The following ESR2 variants were observed in gnomAD, a reference collection of about 807,000 sequenced individuals.
ESR2 encodes the protein estrogen receptor beta.
A neutral mutation model predicts 49.6 loss-of-function variants in ESR2; 36 were observed. That is an observed-to-expected ratio of 0.73 (90% confidence interval 0.56 to 0.96). The LOEUF (loss-of-function observed/expected upper bound fraction) is 0.96. Among genes scored for constraint, ESR2 ranks in the 40% least tolerant of loss-of-function variants. The probability of loss-of-function intolerance (pLI) is 0.00; values close to 1 mark genes in which losing one functional copy is unlikely to be tolerated. For missense variants in ESR2, 714 were observed against 693.0 expected (o/e 1.03, Z -0.34); for synonymous variants, 320 against 266.1 (o/e 1.20, Z -1.97).
intron 1 of ESR2, among the ~76,000 whole-genome samples, chr14:64,284,347 A>C (rs1385510028): frequency 6.6e-6 from 1 of 151,598 alleles, no homozygotes; most frequent in Non-Finnish European, 1.5e-5. Context: ...TTTTTTTGAG[A>C]TGGAGTTTCA....
intron 1 of ESR2, among the ~76,000 whole-genome samples, chr14:64,290,615 C>A (rs891775289): frequency 6.6e-6 from 1 of 151,776 alleles, no homozygotes; most frequent in African/African-American, 2.4e-5. Flanking sequence ...TTTGGCCAGG[C>A]TGGTCTTGAA....
rs368193978 is a variant in ESR2 at position 64,309,631 on chromosome 14, C to A, written c.-90-26556G>T. 6.4e-5 allele frequency among the ~76,000 whole-genome samples: 8 copies of A among 124,492 alleles called. No homozygotes were observed. In the South Asian group the frequency reaches 7.1e-4, roughly 11 times the overall value. 81.7% of individuals were successfully genotyped at this position (124,492 alleles called of 152,430 possible). A position where few individuals can be genotyped will look rare whatever the true frequency, so the allele number is the denominator to read the frequency against. On this transcript the variant is annotated intron_variant, in intron 1 of 8. Coordinates refer to the ESR2 transcript ENST00000358599. Reference sequence around the variant, plus strand: ...TCAAAAAAAAAAATAGAGAATCTTGCGTCAAGTGAACTAAACAGAGGGAGA... The same window carrying A: ...TCAAAAAAAAAAATAGAGAATCTTGAGTCAAGTGAACTAAACAGAGGGAGA...
At chr14:64,282,069 C>A (rs2076680982) in intron 2 of ESR2, among the ~76,000 whole-genome samples, 1 of 152,214 alleles carries the variant, frequency 6.6e-6, no homozygotes, top group Non-Finnish European at 1.5e-5. Context: ...AGACCAGGCA[C>A]AGTGTTCATC....
At chr14:64,280,905 G>C (rs1315198167) in intron 2 of ESR2, among the ~76,000 whole-genome samples, 1 of 152,186 alleles carries the variant, frequency 6.6e-6, no homozygotes, top group East Asian at 1.9e-4. Context: ...AGCTACTTTG[G>C]AGGATGAAGC....
Position 64,282,884 on chromosome 14 carries a change from G to C in ESR2, c.102C>G (p.Ser34=). The C allele has an allele frequency of 6.2e-7, 1 of 1,614,196 alleles. No homozygotes were observed. The highest frequency in any genetic ancestry group is 8.5e-7 in the Non-Finnish European group (1 of 1,180,020). The change falls in exon 2 of 9, where the codon TCC becomes TCG. Residue 34 remains serine, a synonymous_variant. Coordinates refer to ENST00000341099, the MANE Select transcript of ESR2 (RefSeq NM_001437.3). ...PLEHGSIYIP[S]SYVDSHHEYP... is the part of the protein sequence containing the mutation. ...ATTCATGGTGGCTGTCTACATAGGA[G>C]GAAGGTATGTATATGGAGCCGTGCT... is the stretch of plus-strand genomic sequence containing the variant.
intron 4 of ESR2, among the ~76,000 whole-genome samples, chr14:64,266,320 ATC>A (rs754140941): frequency 2.6e-4 from 40 of 152,374 alleles, no homozygotes; most frequent in Admixed American, 5.2e-4. Context: ...TGAAGCAGAT[ATC>A]TCTGTTCAGA....
At chr14:64,307,955 AT>A (rs1157333244) in intron 1 of ESR2, among the ~76,000 whole-genome samples, 1 of 151,862 alleles carries the variant, frequency 6.6e-6, no homozygotes, top group Admixed American at 6.6e-5. Flanking sequence ...TCCTGTCTTC[AT>A]TTTATTCTGT....
chr14:64,325,209 A>G (rs999192853), intron 1 of ESR2, among the ~76,000 whole-genome samples: 2 of 152,228 alleles, frequency 1.3e-5, no homozygotes, highest in Admixed American at 6.5e-5. Flanking sequence ...TAACAAAAGA[A>G]TGTAATACCT....
chr14:64,234,878 A>C, intron 8 of ESR2, 92 bp downstream of exon 8: 3 of 1,547,176 alleles, frequency 1.9e-6, no homozygotes, highest in Non-Finnish European at 2.6e-6. Flanking sequence ...ATTTTCCTTA[A>C]CTTGCAGACA....
intron 5 of ESR2, among the ~76,000 whole-genome samples, chr14:64,257,947 C>T (rs746790332): frequency 7.9e-5 from 12 of 152,118 alleles, no homozygotes; most frequent in Non-Finnish European, 1.6e-4. Flanking sequence ...GCAAATATAG[C>T]CAAGCACACC....
chr14:64,303,889 T>C (rs1305232598), intron 1 of ESR2, among the ~76,000 whole-genome samples: 1 of 152,164 alleles, frequency 6.6e-6, no homozygotes, highest in African/African-American at 2.4e-5. Context: ...CCAAGATACA[T>C]TGAGAAGAAA....
At chr14:64,260,783 G>T (rs779945671) in intron 4 of ESR2, 35 bp from the exon 5 acceptor site, 9 of 1,423,692 alleles carry the variant, frequency 6.3e-6, no homozygotes, top group Non-Finnish European at 7.4e-6. Context: ...GAATTGCCAG[G>T]GTAAAACCGC....
Position 64,232,191 on chromosome 14 carries a change from C to G in ESR2, c.*946G>C, listed in dbSNP as rs1376599965. Reference sequence around the variant, plus strand: ...CACACATCCACAGCCCAAAGTATCCCTGACTACTTGTGGTGACTGATGGGG... The same window carrying G: ...CACACATCCACAGCCCAAAGTATCCGTGACTACTTGTGGTGACTGATGGGG... On this transcript the variant is annotated 3_prime_UTR_variant, in exon 9 of 9. Coordinates refer to ENST00000341099, the MANE Select transcript of ESR2 (RefSeq NM_001437.3). 2 of 152,228 alleles carry G rather than the reference C, an allele frequency of 1.3e-5. No homozygotes were observed. The highest frequency in any genetic ancestry group is 2.9e-5 in the Non-Finnish European group (2 of 68,058). The allele number at this position is 152,228 out of a possible 1,614,324, so 9.4% of individuals were successfully genotyped here.
chr14:64,306,202 CA>C (rs1458845160), intron 1 of ESR2, among the ~76,000 whole-genome samples: 2 of 122,828 alleles, frequency 1.6e-5, no homozygotes, highest in South Asian at 2.6e-4. Flanking sequence ...AACTCCATCT[CA>C]AAAAAAAAGA....
At chr14:64,280,214 G>A in intron 2 of ESR2, 61 bp from the exon 3 acceptor site, 9 of 1,188,702 alleles carry the variant, frequency 7.6e-6, no homozygotes, top group African/African-American at 3.0e-5. Context: ...GGGCTTTCTA[G>A]GAAAAAAAAA....
At chr14:64,318,537 C>CAAAAAAAAAAAAAAAA (rs58597271) in intron 1 of ESR2, among the ~76,000 whole-genome samples, 8 of 32,426 alleles carry the variant, frequency 2.5e-4, no homozygotes, top group African/African-American at 6.2e-4. Flanking sequence ...AACTCCATCT[C>CAAAAAAAAAAAAAAAA]AAAAAAAAAA....
In ESR2 at chr14:64,260,740, T is replaced by C. The variant is rs78851986; in HGVS notation, c.661A>G (p.Arg221Gly). Residue 221 changes from arginine to glycine, a missense_variant, in exon 5 of 9, where the codon AGA (arginine) becomes GGA (glycine). By Grantham distance (125) the Arg-to-Gly change is moderately radical. Transcript: ENST00000341099. ...ACAAGGCGGTACCCACATCTCTCTCTCCGGGAGCCTGAAGAGGAAAGCAGA... is the reference window on the plus strand; with the variant it reads ...ACAAGGCGGTACCCACATCTCTCTCCCCGGGAGCCTGAAGAGGAAAGCAGA... ...EVGMVKCGSR[R>G]ERCGYRLVRR... 5,128 of 1,481,492 alleles carry C rather than the reference T, an allele frequency of 3.5e-3. 9 individuals are homozygous for C. The highest frequency in any genetic ancestry group is 4.4e-3 in the Non-Finnish European group (4,894 of 1,114,596). The allele number at this position is 1,481,492 out of a possible 1,614,324, so 91.8% of individuals were successfully genotyped here. A position where few individuals can be genotyped will look rare whatever the true frequency, so the allele number is the denominator to read the frequency against.
intron 1 of ESR2, chr14:64,329,449 T>C (rs919624739): frequency 3.9e-5 from 6 of 152,132 alleles, no homozygotes; most frequent in African/African-American, 1.4e-4. Flanking sequence ...TGGAATTCTT[T>C]AATTGGGATG....
rs2098728151 is a variant in ESR2 at position 64,232,450 on chromosome 14, A to G, written c.*687T>C. 1 of 152,294 alleles carries G rather than the reference A, an allele frequency of 6.6e-6. No homozygotes were observed. The highest frequency in any genetic ancestry group is 2.1e-4 in the South Asian group (1 of 4,826). 9.4% of individuals were successfully genotyped at this position (152,294 alleles called of 1,614,324 possible). A position where few individuals can be genotyped will look rare whatever the true frequency, so the allele number is the denominator to read the frequency against. On this transcript the variant is annotated 3_prime_UTR_variant, in exon 9 of 9. Coordinates refer to ENST00000341099, the MANE Select transcript of ESR2 (RefSeq NM_001437.3). ...CCTGCATGAAAATGATCACACGCTC[A>G]TACACACATACCCCAAATTATTGGC... is the stretch of plus-strand genomic sequence containing the variant.
Sources: allele counts gnomAD v4.1 joint callset (sites outside exome capture counted in the v4.1 genomes callset), GRCh38; gene constraint gnomAD v4.1.1; transcripts MANE v1.5; gene names NCBI Gene and HGNC (gene_info 2026-07-23, HGNC 2026-07-21).